The following PHC3 variants were observed in gnomAD, a reference collection of about 807,000 sequenced individuals.
PHC3 encodes polyhomeotic homolog 3, also known as polyhomeotic-like protein 3.
A neutral mutation model predicts 107.4 loss-of-function variants in PHC3; 13 were observed. That is an observed-to-expected ratio of 0.12 (90% CI 0.08 to 0.19). PHC3 has a LOEUF of 0.19. Among genes scored for constraint, PHC3 ranks in the 10% least tolerant of loss-of-function variants. PHC3 has a pLI of 1.00. For missense variants in PHC3, 992 were observed against 1,210.9 expected (o/e 0.82, Z 2.68); for synonymous variants, 456 against 427.4 (o/e 1.07, Z -0.83).
At chr3:170,162,547 T>A (rs1728058234) in intron 4 of PHC3, among the ~76,000 whole-genome samples, 1 of 152,182 alleles carries the variant, frequency 6.6e-6, no homozygotes, top group Non-Finnish European at 1.5e-5. Flanking sequence ...TTAAAAAAAA[T>A]TTACAATCTA....
At position 170,172,706 on chromosome 3, in the gene PHC3, G is replaced by T; in HGVS notation, c.187C>A (p.Gln63Lys). Residue 63 changes from glutamine to lysine, a missense_variant, in exon 3 of 15, where the codon CAA becomes AAA. Gln to Lys is a moderately conservative substitution (Grantham distance 53). Transcript: ENST00000495893. ...GSDRHAVQVI[Q>K]QALHRPPSSA... ...CTGGGGGGCCGATGCAATGCCTGTT[G>T]AATTACCTGTGATAAGTCAATTGAA... The T allele has an allele frequency of 3.7e-6, 6 of 1,601,284 alleles. No homozygotes were observed. The highest frequency in any genetic ancestry group is 5.1e-6 in the Non-Finnish European group (6 of 1,171,788).
At chr3:170,128,406 A>G (rs1160702206) in intron 8 of PHC3, 4 of 1,347,076 alleles carry the variant, frequency 3.0e-6, no homozygotes, top group Non-Finnish European at 3.9e-6. Flanking sequence ...AAAAAAATCA[A>G]CTCTGTAAAG....
rs770688438 is a variant in PHC3 at position 170,181,704 on chromosome 3, C to G, written c.12G>C (p.Ala4=). MAE[A]EFKDHSTAMD... ...TCAGTCACCATCTAGTCACTCACTC[C>G]GCTTCCGCCATCTTCTCTCCTCCAT... The change falls in exon 1 of 15, where the codon GCG becomes GCC. Residue 4 remains alanine, a splice_region_variant and synonymous_variant. Coordinates refer to ENST00000495893, the MANE Select transcript of PHC3 (RefSeq NM_024947.4). 6.2e-7 allele frequency: 1 copy of G among 1,613,278 alleles called. No homozygotes were observed.
chr3:170,175,361 T>C (rs1164424870), intron 2 of PHC3, among the ~76,000 whole-genome samples: 1 of 152,116 alleles, frequency 6.6e-6, no homozygotes. Context: ...GCGATCACAT[T>C]ATCAGTCAGG....
intron 11 of PHC3, among the ~76,000 whole-genome samples, chr3:170,112,251 G>A (rs1348901963): frequency 1.3e-5 from 2 of 151,018 alleles, no homozygotes; most frequent in Non-Finnish European, 2.9e-5. Flanking sequence ...TAGCTCTGTC[G>A]CCAGGCTGGA....
At chr3:170,148,882 T>C (rs1725443413) in intron 5 of PHC3, 1 of 484,992 alleles carries the variant, frequency 2.1e-6, no homozygotes, top group Non-Finnish European at 3.7e-6. Flanking sequence ...TAATAATTAC[T>C]ATTTGATACC....
intron 4 of PHC3, among the ~76,000 whole-genome samples, chr3:170,163,875 AAAAAAAAAAG>A: frequency 1.7e-5 from 2 of 120,504 alleles, no homozygotes; most frequent in Non-Finnish European, 1.7e-5. Flanking sequence ...AAAAAAAAAA[AAAAAAAAAAG>A]GCAGGCAGGC....
intron 12 of PHC3, among the ~76,000 whole-genome samples, chr3:170,106,470 T>C (rs1204744517): frequency 6.6e-6 from 1 of 152,202 alleles, no homozygotes; most frequent in Non-Finnish European, 1.5e-5. Context: ...CTGTTTTTGA[T>C]ACTTTAAGGA....
At position 170,149,517 on chromosome 3, in the gene PHC3, C is replaced by T. The variant is rs187511547; in HGVS notation, c.415-273G>A. ...TTGCCCAGACTGGAGTGCAAGTGCG[C>T]GATTTTGGCTCACTGCAACCTCCGC... On this transcript the variant is annotated intron_variant, in intron 4 of 14. Transcript: ENST00000495893. 4.8e-3 allele frequency among the ~76,000 whole-genome samples: 729 copies of T among 151,914 alleles called. 5 individuals are homozygous for T. The highest frequency in any genetic ancestry group is 0.017 in the African/African-American group (697 of 41,396).
rs759636689 is a variant in PHC3, at chr3:170,102,645, A to T, written c.2667T>A (p.Ala889=). ...TCTGCCTGCGCAGACGAGTTGTCATAGCAGATGGCACAGAATCTTCATGAG... is the reference window on the plus strand; with the variant it reads ...TCTGCCTGCGCAGACGAGTTGTCATTGCAGATGGCACAGAATCTTCATGAG... ...LASHEDSVPS[A]MTTRLRRQSE... is the part of the protein sequence containing the mutation. The change falls in exon 14 of 15, where the codon GCT becomes GCA. Residue 889 remains alanine, a synonymous_variant. Coordinates refer to ENST00000495893, the MANE Select transcript of PHC3 (RefSeq NM_024947.4). 3 of 1,613,854 alleles carry T rather than the reference A, an allele frequency of 1.9e-6. No homozygotes were observed. The highest frequency in any genetic ancestry group is 2.5e-6 in the Non-Finnish European group (3 of 1,179,868).
chr3:170,102,793 T>C lies in PHC3; in HGVS notation c.2601+9A>G. ...GGGTATTTTACATTGAAGCAAGGTT[T>C]ATACAGACCTGCCTAAGGATATGTT... On this transcript the variant is annotated intron_variant, in intron 13 of 14. Coordinates refer to ENST00000495893, the MANE Select transcript of PHC3 (RefSeq NM_024947.4). 1 of 1,613,936 alleles carries C rather than the reference T, an allele frequency of 6.2e-7. No homozygotes were observed. Among genetic ancestry groups the C allele is most frequent in the Non-Finnish European group, 8.5e-7 (1 of 1,179,846 alleles).
At position 170,093,267 on chromosome 3, in the gene PHC3, A is replaced by T. The variant is rs145077151; in HGVS notation, c.*3963T>A. The T allele has an allele frequency of 6.6e-6, 1 of 152,274 alleles. No homozygotes were observed. The highest frequency in any genetic ancestry group is 1.9e-4 in the East Asian group (1 of 5,174). The allele number at this position is 152,274 out of a possible 1,614,324, so 9.4% of individuals were successfully genotyped here. ...CCTCTCTAAGGATTCTGAGACAAAG[A>T]TCTCTCCAAGAAAGAAGTTTTCATG... On this transcript the variant is annotated 3_prime_UTR_variant, in exon 15 of 15. Coordinates refer to ENST00000495893, the MANE Select transcript of PHC3 (RefSeq NM_024947.4).
intron 10 of PHC3, 122 bp from the exon 11 acceptor site, chr3:170,113,641 A>C (rs1718274157): frequency 1.1e-6 from 1 of 899,564 alleles, no homozygotes; most frequent in Admixed American, 2.9e-5. Context: ...AACTGATCAG[A>C]TCCATTTAGT....
intron 6 of PHC3, among the ~76,000 whole-genome samples, chr3:170,143,131 T>TTGG (rs779802181): frequency 5.9e-5 from 9 of 152,180 alleles, no homozygotes; most frequent in Non-Finnish European, 1.0e-4. Flanking sequence ...TGAGCCATGA[T>TTGG]TGACCCACTG....
intron 7 of PHC3, among the ~76,000 whole-genome samples, chr3:170,131,780 T>C (rs1202434846): frequency 6.6e-5 from 10 of 152,240 alleles, no homozygotes; most frequent in African/African-American, 2.2e-4. Context: ...GAAGTTGCAG[T>C]GATCTGGGAT....
In PHC3 at chr3:170,088,420, C is replaced by A. The variant is rs1339248294; in HGVS notation, c.*8810G>T. 4 of 152,158 alleles carry A rather than the reference C, an allele frequency of 2.6e-5. No homozygotes were observed. The highest frequency in any genetic ancestry group is 9.7e-5 in the African/African-American group (4 of 41,434). The allele number at this position is 152,158 out of a possible 1,614,324, so 9.4% of individuals were successfully genotyped here. A position where few individuals can be genotyped will look rare whatever the true frequency, so the allele number is the denominator to read the frequency against. ...AATTTAAAAGGCTTGAAATGCCTGC[C>A]ACCATTGTCAGTATCCATCCATCCA... On this transcript the variant is annotated 3_prime_UTR_variant, in exon 15 of 15. Transcript: ENST00000495893.
chr3:170,113,490 C>T lies in PHC3; in HGVS notation c.2223G>A (p.Gln741=). The T allele has an allele frequency of 6.2e-7, 1 of 1,610,978 alleles. No homozygotes were observed. Among genetic ancestry groups the T allele is most frequent in the Non-Finnish European group, 8.5e-7 (1 of 1,178,656 alleles). The part of the protein sequence containing the change: ...PVSRSSLLIE[Q]PVKKRPLLDN... ...CCAAAAGAGGCCGTTTTTTCACAGGCTGTTCTATTAGCAAAGAGGAACGAC... is the reference window on the plus strand; with the variant it reads ...CCAAAAGAGGCCGTTTTTTCACAGGTTGTTCTATTAGCAAAGAGGAACGAC... Residue 741 remains glutamine (Q), a synonymous_variant, in exon 11 of 15, where the codon CAG becomes CAA. Coordinates refer to ENST00000495893, the MANE Select transcript of PHC3 (RefSeq NM_024947.4).
At chr3:170,169,045 T>C (rs1054164285) in intron 4 of PHC3, among the ~76,000 whole-genome samples, 1 of 152,006 alleles carries the variant, frequency 6.6e-6, no homozygotes, top group African/African-American at 2.4e-5. Flanking sequence ...TGAACACTCC[T>C]CCTTTGAATG....
chr3:170,121,277 C>T (rs929777662), intron 9 of PHC3, among the ~76,000 whole-genome samples: 2 of 151,844 alleles, frequency 1.3e-5, no homozygotes, highest in African/African-American at 4.8e-5. Flanking sequence ...AGTTAGAGGC[C>T]AGCCTGGGCA....
Sources: allele counts gnomAD v4.1 joint callset (sites outside exome capture counted in the v4.1 genomes callset), GRCh38; gene constraint gnomAD v4.1.1; transcripts MANE v1.5; gene names NCBI Gene and HGNC (gene_info 2026-07-23, HGNC 2026-07-21).